HNF1A: variants seen among roughly 807,000 people sequenced by gnomAD.
HNF1A encodes the protein HNF1 homeobox A.
In HNF1A, 21 loss-of-function variants were observed where a neutral mutation model predicts 62.2. The observed-to-expected ratio is 0.34, with a 90% CI of 0.24 to 0.49. The LOEUF is 0.49. Among genes scored for constraint, HNF1A ranks in the 20% least tolerant of loss-of-function variants. The pLI is 0.99. For synonymous variants in HNF1A, 374 were observed against 366.8 expected (o/e 1.02, Z -0.22); for missense variants, 687 against 832.3 (o/e 0.83, Z 2.15).
At position 121,001,888 on chromosome 12, in the gene HNF1A, C is replaced by G; in HGVS notation, c.*696C>G. 1 of 513,168 alleles carries G rather than the reference C, an allele frequency of 1.9e-6. No individual in the cohort carries two copies. The highest frequency in any genetic ancestry group is 1.6e-5 in the South Asian group (1 of 61,640). 31.8% of individuals were successfully genotyped at this position (513,168 alleles called of 1,614,324 possible). ...CGATTCCCTCTCCCAGGCCCCATGA[C>G]CTCCAGCTTTCCTGTATTTGTTCCC... On this transcript the variant is annotated 3_prime_UTR_variant, in exon 10 of 10. Coordinates refer to ENST00000257555, the MANE Select transcript of HNF1A (RefSeq NM_000545.8).
rs1565880245 is a variant in HNF1A at position 120,979,010 on chromosome 12, T to C, written c.242T>C (p.Phe81Ser). 2.5e-6 allele frequency: 4 copies of C among 1,610,204 alleles called. No individual in the cohort carries two copies. The East Asian group carries it at 8.9e-5, about 36-fold the overall frequency. Residue 81 changes from phenylalanine to serine, a missense_variant, in exon 1 of 10, where the codon TTC becomes TCC. Physicochemically the swap from Phe to Ser is radical, Grantham distance 155 (BLOSUM62 -2). Transcript: ENST00000257555. The part of the protein sequence containing the change: ...EDETDDDGED[F>S]TPPILKELEN... ...GAGACGGACGACGATGGGGAAGACT[T>C]CACGCCACCCATCCTCAAAGAGCTG...
intron 2 of HNF1A, among the ~76,000 whole-genome samples, chr12:120,991,092 G>A (rs182921251): frequency 1.6e-4 from 24 of 152,256 alleles, no homozygotes; most frequent in African/African-American, 3.9e-4. Flanking sequence ...TGCAATCTGC[G>A]AATACAACCA....
At chr12:120,991,997 G>C (rs981313555) in intron 2 of HNF1A, among the ~76,000 whole-genome samples, 1 of 152,160 alleles carries the variant, frequency 6.6e-6, no homozygotes. Flanking sequence ...CTTTCCCTGG[G>C]GGATTTTTAA....
chr12:120,996,773 G>C lies in HNF1A; in HGVS notation c.1309+31G>C. 6.2e-7 allele frequency: 1 copy of C among 1,611,192 alleles called. No homozygotes were observed. The highest frequency in any genetic ancestry group is 1.1e-5 in the South Asian group (1 of 90,424). ...CTGGTGGGGATGGGTGGGCACCTGG[G>C]TGGGAGGCTCATGGGGCAACCGCAG... On this transcript the variant is annotated intron_variant, in intron 6 of 9. Transcript: ENST00000257555. The surrounding 1 kb of genome is among the most constrained non-coding windows in gnomAD (Gnocchi z 4.5).
chr12:120,989,175 A>G (rs1321570324), intron 2 of HNF1A, 143 bp downstream of exon 2: 2 of 825,044 alleles, frequency 2.4e-6, no homozygotes, highest in East Asian at 5.3e-5. Flanking sequence ...ACCTGCATTT[A>G]TTACCTATTC....
At chr12:120,982,463 G>C (rs1025312828) in intron 1 of HNF1A, among the ~76,000 whole-genome samples, 2 of 151,758 alleles carry the variant, frequency 1.3e-5, no homozygotes, top group African/African-American at 4.9e-5. Flanking sequence ...CGGCAGGAGG[G>C]GGGGGGGACA....
intron 6 of HNF1A, 121 bp from the exon 7 acceptor site, chr12:120,997,353 C>A: frequency 7.5e-7 from 1 of 1,339,474 alleles, no homozygotes; most frequent in Non-Finnish European, 9.9e-7. Context: ...GTTTCCTGAC[C>A]ACCCTGCCCC....
chr12:120,982,461 G>C (rs1017197977), intron 1 of HNF1A, among the ~76,000 whole-genome samples: 4 of 143,020 alleles, frequency 2.8e-5, no homozygotes, highest in African/African-American at 1.0e-4. Context: ...CACGGCAGGA[G>C]GGGGGGGGGA....
At chr12:120,981,958 C>T (rs1361224205) in intron 1 of HNF1A, among the ~76,000 whole-genome samples, 1 of 152,330 alleles carries the variant, frequency 6.6e-6, no homozygotes, top group African/African-American at 2.4e-5. Flanking sequence ...CAGGGCCCAG[C>T]AGCCTGAGAC....
rs375259151 is a variant in HNF1A at position 120,993,502 on chromosome 12, G to A, written c.527-18G>A. ...TGAGAGTGGCCAGTACCCCACTCAC[G>A]GCTTTCTGTGCCTGCAGAGTTCACC... On this transcript the variant is annotated intron_variant, in intron 2 of 9. Coordinates refer to ENST00000257555, the MANE Select transcript of HNF1A (RefSeq NM_000545.8). 1.8e-5 allele frequency: 29 copies of A among 1,613,300 alleles called. No individual in the cohort carries two copies. The African/African-American group carries it at 2.5e-4, about 14-fold the overall frequency.
At chr12:120,982,715 T>C (rs773541174) in intron 1 of HNF1A, among the ~76,000 whole-genome samples, 2 of 152,274 alleles carry the variant, frequency 1.3e-5, no homozygotes, top group Non-Finnish European at 2.9e-5. Flanking sequence ...AAATTAAGGC[T>C]GAGAGAGGCA....
At chr12:120,990,795 A>G (rs1414464229) in intron 2 of HNF1A, among the ~76,000 whole-genome samples, 1 of 152,190 alleles carries the variant, frequency 6.6e-6, no homozygotes, top group East Asian at 1.9e-4. Context: ...AAGAAAAATT[A>G]GATGCCTTTA....
intron 1 of HNF1A, among the ~76,000 whole-genome samples, chr12:120,986,603 G>A (rs2393776): frequency 0.61 from 93,277 of 151,948 alleles, 28,825 homozygotes; most frequent in African/African-American, 0.68. Context: ...TTTTTGAGAC[G>A]GAGTCTCACT....
intron 8 of HNF1A, 21 bp downstream of exon 8, chr12:120,999,410 C>T (rs2135850989): frequency 3.1e-6 from 5 of 1,613,810 alleles, no homozygotes; most frequent in Non-Finnish European, 4.2e-6. Context: ...GGCCTGCTGG[C>T]CCTCCCTTGG....
At chr12:120,992,832 G>A (rs1452098591) in intron 2 of HNF1A, among the ~76,000 whole-genome samples, 1 of 152,118 alleles carries the variant, frequency 6.6e-6, no homozygotes. Flanking sequence ...ACTTATGCCC[G>A]CTGCTGTTTC....
intron 1 of HNF1A, among the ~76,000 whole-genome samples, chr12:120,981,459 C>G (rs1565880997): frequency 6.6e-6 from 1 of 152,230 alleles, no homozygotes; most frequent in Admixed American, 6.5e-5. Context: ...AGTCCAAACT[C>G]CCTGCCTTGG....
At chr12:120,997,122 TAAGA>T (rs1877150061) in intron 6 of HNF1A, 26 of 1,395,040 alleles carry the variant, frequency 1.9e-5, no homozygotes, top group Admixed American at 3.0e-5. Flanking sequence ...GCCCAGTACA[TAAGA>T]TAGATAAGGA....
At chr12:120,989,460 A>G (rs976788834) in intron 2 of HNF1A, among the ~76,000 whole-genome samples, 2 of 152,008 alleles carry the variant, frequency 1.3e-5, no homozygotes, top group African/African-American at 4.8e-5. Context: ...GGGTTTCACC[A>G]TGTTGGCCAG....
chr12:120,997,296 G>T, intron 6 of HNF1A, 178 bp from the exon 7 acceptor site: 3 of 1,395,410 alleles, frequency 2.1e-6, no homozygotes, highest in Non-Finnish European at 2.8e-6. Flanking sequence ...GAGGGGGAAT[G>T]ACTTGCCAGA....
Sources: allele counts gnomAD v4.1 joint callset (sites outside exome capture counted in the v4.1 genomes callset), GRCh38; gene constraint gnomAD v4.1.1; non-coding constraint Gnocchi (gnomAD v3.1); transcripts MANE v1.5; gene names NCBI Gene and HGNC (gene_info 2026-07-23, HGNC 2026-07-21).